The following NEAT1 variants were observed in gnomAD, a reference collection of about 807,000 sequenced individuals.
The protein encoded by NEAT1 is nuclear paraspeckle assembly transcript 1, also known as MENepsilon/beta.
At chr11:65,423,142 G>C (rs1856516504) in exon 1 of NEAT1, 1 of 153,382 alleles carries the variant, frequency 6.5e-6, no homozygotes, top group Admixed American at 6.5e-5. Flanking sequence ...AAGGAGGAAG[G>C]CAGGGAGAGG....
chr11:65,440,046 CAA>C (rs961245373), exon 1 of NEAT1: 29 of 152,124 alleles, frequency 1.9e-4, no homozygotes, highest in African/African-American at 6.7e-4. Context: ...CATCTGAGGC[CAA>C]GAGTTCAAGA....
exon 1 of NEAT1, chr11:65,444,305 G>T: frequency 1.3e-5 from 5 of 383,738 alleles, no homozygotes; most frequent in East Asian, 7.5e-5. Flanking sequence ...GTGTGTGTGT[G>T]TGTGTGTGTG....
At chr11:65,432,447 T>A (rs1340237649) in exon 1 of NEAT1, 1 of 152,168 alleles carries the variant, frequency 6.6e-6, no homozygotes, top group Non-Finnish European at 1.5e-5. Context: ...TTGATAAGTC[T>A]AATAATAATA....
exon 1 of NEAT1, chr11:65,423,535 T>G (rs1856524454): frequency 6.6e-6 from 1 of 152,190 alleles, no homozygotes. Flanking sequence ...CACCGGTGAC[T>G]GGTGCGGCAC....
exon 1 of NEAT1, chr11:65,426,591 T>C (rs1460688624): frequency 1.3e-5 from 2 of 152,226 alleles, no homozygotes; most frequent in Non-Finnish European, 2.9e-5. Flanking sequence ...ATAACGACTT[T>C]GGATGTATCT....
chr11:65,439,866 T>C (rs777861546), exon 1 of NEAT1: 3 of 152,176 alleles, frequency 2.0e-5, no homozygotes, highest in Non-Finnish European at 4.4e-5. Flanking sequence ...GAAGCACAAC[T>C]CCAGTGTGTC....
exon 1 of NEAT1, chr11:65,424,043 C>T (rs144180609): frequency 1.3e-5 from 2 of 152,496 alleles, no homozygotes; most frequent in African/African-American, 4.8e-5. Context: ...GGAGGGGAGA[C>T]CCTGGAGGAG....
chr11:65,427,591 CTG>C (rs1277951790), exon 1 of NEAT1: 1 of 152,180 alleles, frequency 6.6e-6, no homozygotes, highest in African/African-American at 2.4e-5. Context: ...AACCTTCTGT[CTG>C]TGCTCATGGC....
Position 65,444,699 on chromosome 11 carries a change from T to G in NEAT1, n.21902T>G, listed in dbSNP as rs1431715536. On this transcript the variant is annotated non_coding_transcript_exon_variant, in exon 1 of 1. Transcript: ENST00000501122. Reference sequence around the variant, plus strand: ...GGCAAGTACCGGCTGAGGGTCCAGGTGGGCTTTGTGTACCTTTGGGTCCTG... The same window carrying G: ...GGCAAGTACCGGCTGAGGGTCCAGGGGGGCTTTGTGTACCTTTGGGTCCTG... 4 of 350,170 alleles carry G rather than the reference T, an allele frequency of 1.1e-5. No individual in the cohort carries two copies. The Admixed American group carries it at 1.5e-4, about 14-fold the overall frequency. 21.7% of individuals were successfully genotyped at this position (350,170 alleles called of 1,614,324 possible).
At chr11:65,441,333 T>G (rs1394613516) in exon 1 of NEAT1, 4 of 152,148 alleles carry the variant, frequency 2.6e-5, no homozygotes, top group Admixed American at 2.6e-4. Context: ...TTTTATTTGT[T>G]TGTTTGTTTT....
chr11:65,426,344 A>G (rs1275118661), exon 1 of NEAT1: 1 of 152,200 alleles, frequency 6.6e-6, no homozygotes, highest in Non-Finnish European at 1.5e-5. Context: ...TGTATTAGTC[A>G]CGCATGTATG....
At chr11:65,436,243 C>T (rs753820882) in exon 1 of NEAT1, 8 of 152,334 alleles carry the variant, frequency 5.3e-5, no homozygotes, top group Admixed American at 3.9e-4. Flanking sequence ...GAAGGAAATA[C>T]CTGAGTTCCT....
exon 1 of NEAT1, chr11:65,436,966 C>T (rs981496811): frequency 3.9e-5 from 6 of 152,004 alleles, no homozygotes; most frequent in African/African-American, 1.5e-4. Flanking sequence ...CATTTCCCCA[C>T]ACCTTCACCC....
At chr11:65,438,353 T>C (rs1295048099) in exon 1 of NEAT1, 1 of 152,198 alleles carries the variant, frequency 6.6e-6, no homozygotes, top group Admixed American at 6.5e-5. Flanking sequence ...TAATATTGTT[T>C]CTTCTAAGAA....
chr11:65,443,673 T>C (rs1032578484), exon 1 of NEAT1: 3 of 152,220 alleles, frequency 2.0e-5, no homozygotes, highest in Non-Finnish European at 4.4e-5. Context: ...GCAAATCCCC[T>C]TCTATACCTC....
chr11:65,437,207 A>ATG (rs1555046543), exon 1 of NEAT1: 52 of 139,048 alleles, frequency 3.7e-4, no homozygotes, highest in African/African-American at 1.3e-3. Flanking sequence ...ATATATATAT[A>ATG]TATGTATATA....
exon 1 of NEAT1, chr11:65,441,728 T>C (rs1856716348): frequency 6.6e-6 from 1 of 152,228 alleles, no homozygotes; most frequent in African/African-American, 2.4e-5. Flanking sequence ...GCAGTTCTGC[T>C]TTCATTTTAT....
exon 1 of NEAT1, chr11:65,437,929 G>C (rs975589557): frequency 1.3e-5 from 2 of 152,216 alleles, no homozygotes; most frequent in African/African-American, 4.8e-5. Flanking sequence ...ATGCCAGTAA[G>C]TTCATACAAA....
At chr11:65,443,022 A>G (rs1370014462) in exon 1 of NEAT1, 1 of 152,158 alleles carries the variant, frequency 6.6e-6, no homozygotes, top group Admixed American at 6.5e-5. Context: ...CCCTTTCTTC[A>G]TTGATTAACG....
Sources: allele counts gnomAD v4.1 joint callset, GRCh38; gene constraint gnomAD v4.1.1; transcripts MANE v1.5; gene names NCBI Gene and HGNC (gene_info 2026-07-23, HGNC 2026-07-21).